The following RNF8 variants were observed in gnomAD, a reference collection of about 807,000 sequenced individuals.
RNF8 encodes E3 ubiquitin-protein ligase RNF8.
A neutral mutation model predicts 59.3 loss-of-function variants in RNF8; 8 were observed. The ratio of observed to expected loss-of-function variants is 0.13; its 90% CI spans 0.08 to 0.24. The LOEUF is 0.24. Ranked by LOEUF, RNF8 falls within the 10% of genes least tolerant of loss-of-function variation. RNF8 has a pLI of 1.00. For synonymous variants in RNF8, 162 were observed against 200.0 expected, an observed-to-expected ratio of 0.81 and a Z score of 1.60; for missense variants, 406 against 572.6, an observed-to-expected ratio of 0.71 and a Z score of 2.97.
rs1770783165 is a variant in RNF8, at chr6:37,393,582, T to C, written c.*2824T>C. ...GAACTGGAAAAGGGGGTTTGTTTCA[T>C]TATCTGGTTTTATTAAGCAGATGAA... On this transcript the variant is annotated 3_prime_UTR_variant, in exon 8 of 8. Transcript: ENST00000373479. The C allele has an allele frequency of 6.6e-6, 1 of 152,210 alleles. No individual in the cohort carries two copies. The highest frequency in any genetic ancestry group is 6.5e-5 in the Admixed American group (1 of 15,286). 9.4% of individuals were successfully genotyped at this position (152,210 alleles called of 1,614,324 possible). A position where few individuals can be genotyped will look rare whatever the true frequency, so the allele number is the denominator to read the frequency against.
At chr6:37,386,175 TAC>T (rs1180976960) in intron 7 of RNF8, among the ~76,000 whole-genome samples, 1 of 152,140 alleles carries the variant, frequency 6.6e-6, no homozygotes, top group Non-Finnish European at 1.5e-5. Context: ...CACCTCAGAA[TAC>T]ACAGTTTGAA....
chr6:37,363,076 C>T (rs1244228411), intron 2 of RNF8, among the ~76,000 whole-genome samples: 1 of 152,138 alleles, frequency 6.6e-6, no homozygotes, highest in Non-Finnish European at 1.5e-5. Context: ...TGAGCCTTTC[C>T]CATTCTTACC....
chr6:37,374,413 C>T (rs1280679549), intron 4 of RNF8, among the ~76,000 whole-genome samples: 1 of 152,146 alleles, frequency 6.6e-6, no homozygotes, highest in African/African-American at 2.4e-5. Context: ...ATTTGGTGGC[C>T]GCCTTCCCTA....
At position 37,390,868 on chromosome 6, in the gene RNF8, T is replaced by G; in HGVS notation, c.*110T>G. On this transcript the variant is annotated 3_prime_UTR_variant, in exon 8 of 8. Coordinates refer to ENST00000373479, the MANE Select transcript of RNF8 (RefSeq NM_003958.4). ...GCTGCTCTGAAGGTCAACTGAGAAG[T>G]CTTGTGGGACAGAGACTTGAGTTAG... The G allele has an allele frequency of 6.3e-7, 1 of 1,592,982 alleles. No individual in the cohort carries two copies. Among genetic ancestry groups the G allele is most frequent in the Non-Finnish European group, 8.6e-7 (1 of 1,160,894 alleles).
chr6:37,370,796 T>C (rs1226677209), intron 3 of RNF8, among the ~76,000 whole-genome samples: 2 of 152,098 alleles, frequency 1.3e-5, no homozygotes, highest in Non-Finnish European at 2.9e-5. Flanking sequence ...ATTAAGGAAT[T>C]TATCTTGTTG....
intron 7 of RNF8, among the ~76,000 whole-genome samples, chr6:37,390,519 T>G (rs754720214): frequency 6.6e-6 from 1 of 152,084 alleles, no homozygotes; most frequent in Non-Finnish European, 1.5e-5. Flanking sequence ...ACGCAGATTT[T>G]GTAGGGCCTT....
At chr6:37,390,634 A>G (rs1424036825) in intron 7 of RNF8, 108 bp from the exon 8 acceptor site, 3 of 751,062 alleles carry the variant, frequency 4.0e-6, no homozygotes, top group Non-Finnish European at 4.5e-6. Context: ...TCAGTTCGCT[A>G]TGGCTGCTGT....
chr6:37,388,944 A>AAAAAAAAAG, intron 7 of RNF8, among the ~76,000 whole-genome samples: 1 of 151,920 alleles, frequency 6.6e-6, no homozygotes, highest in Non-Finnish European at 1.5e-5. Flanking sequence ...TTAAAAAAAA[A>AAAAAAAAAG]AAAAGACATT....
intron 7 of RNF8, among the ~76,000 whole-genome samples, chr6:37,381,605 G>C (rs1244858629): frequency 6.6e-6 from 1 of 152,088 alleles, no homozygotes; most frequent in Admixed American, 6.6e-5. Flanking sequence ...GTTGTGGGGG[G>C]ATAAAATGAA....
chr6:37,380,922 AC>A (rs1181371087), intron 6 of RNF8, among the ~76,000 whole-genome samples: 1 of 151,982 alleles, frequency 6.6e-6, no homozygotes, highest in Non-Finnish European at 1.5e-5. Context: ...ACCTCAGGTG[AC>A]CCACCCACCT....
Position 37,354,159 on chromosome 6 carries a change from T to C in RNF8, c.-6T>C. On this transcript the variant is annotated 5_prime_UTR_variant, in exon 1 of 8. Transcript: ENST00000373479. Reference sequence around the variant, plus strand: ...GGTGCTGACCGCCCCCGGGGTCGAGTAGGCGATGGGGGAGCCCGGCTTCTT... The same window carrying C: ...GGTGCTGACCGCCCCCGGGGTCGAGCAGGCGATGGGGGAGCCCGGCTTCTT... 1 of 1,568,898 alleles carries C rather than the reference T, an allele frequency of 6.4e-7. No homozygotes were observed. Among genetic ancestry groups the C allele is most frequent in the Non-Finnish European group, 8.6e-7 (1 of 1,157,580 alleles).
intron 7 of RNF8, among the ~76,000 whole-genome samples, chr6:37,384,366 T>C (rs1287395126): frequency 6.6e-6 from 1 of 152,062 alleles, no homozygotes; most frequent in African/African-American, 2.4e-5. Flanking sequence ...GTCTCCCAAC[T>C]CCTGACCTCA....
At position 37,369,011 on chromosome 6, in the gene RNF8, T is replaced by C. The variant is rs1769688354; in HGVS notation, c.768T>C (p.Ile256=). 3 of 1,614,058 alleles carry C rather than the reference T, an allele frequency of 1.9e-6. No homozygotes were observed. The highest frequency in any genetic ancestry group is 2.7e-5 in the African/African-American group (2 of 74,914). Residue 256 remains isoleucine (I), a synonymous_variant, in exon 3 of 8, where the codon ATT becomes ATC. Transcript: ENST00000373479. ...TGTTTAAGGTGACCATGTCCAGGAT[T>C]CTGAGGCTCAAAATACAGATGCAGG... ...LQMFKVTMSR[I]LRLKIQMQEK...
intron 4 of RNF8, 71 bp from the exon 5 acceptor site, chr6:37,374,549 G>A (rs1769933078): frequency 1.8e-6 from 2 of 1,126,622 alleles, no homozygotes; most frequent in African/African-American, 1.5e-5. Flanking sequence ...GGAGAGAACA[G>A]GCATGTTTGT....
intron 1 of RNF8, among the ~76,000 whole-genome samples, chr6:37,354,627 C>A (rs1040186757): frequency 1.3e-5 from 2 of 151,602 alleles, no homozygotes; most frequent in African/African-American, 4.9e-5. Flanking sequence ...AAGCGGGCCC[C>A]GTCCAGAGAG....
At chr6:37,364,688 A>G (rs1200948488) in intron 2 of RNF8, among the ~76,000 whole-genome samples, 1 of 152,180 alleles carries the variant, frequency 6.6e-6, no homozygotes, top group Non-Finnish European at 1.5e-5. Context: ...CAGTGATCCT[A>G]TTTCTAGGTA....
intron 7 of RNF8, among the ~76,000 whole-genome samples, chr6:37,387,790 A>G (rs1016886678): frequency 6.6e-6 from 1 of 152,228 alleles, no homozygotes; most frequent in African/African-American, 2.4e-5. Context: ...AATATGAGAA[A>G]TAAAGGGTGC....
In RNF8 at chr6:37,391,109, GT is replaced by G; in HGVS notation, c.*355del. Reference sequence around the variant, plus strand: ...CTCGGAAACACCTCCGTTGACAGTTGTTTTGGATAGGTTGGGTGTACCCCAT... The same window carrying G: ...CTCGGAAACACCTCCGTTGACAGTTGTTTGGATAGGTTGGGTGTACCCCAT... On this transcript the variant is annotated 3_prime_UTR_variant, in exon 8 of 8. Transcript: ENST00000373479. 2.3e-6 allele frequency: 1 copy of G among 443,798 alleles called. No individual in the cohort carries two copies. The highest frequency in any genetic ancestry group is 4.1e-6 in the Non-Finnish European group (1 of 246,128). The allele number at this position is 443,798 out of a possible 1,614,324, so 27.5% of individuals were successfully genotyped here. A position where few individuals can be genotyped will look rare whatever the true frequency, so the allele number is the denominator to read the frequency against.
In RNF8 at chr6:37,391,587, TTTTTTCTTTA is replaced by T. The variant is rs1263377168; in HGVS notation, c.*839_*848del. 1 of 152,236 alleles carries T rather than the reference TTTTTTCTTTA, an allele frequency of 6.6e-6. No individual in the cohort carries two copies. The highest frequency in any genetic ancestry group is 1.5e-5 in the Non-Finnish European group (1 of 68,038). The allele number at this position is 152,236 out of a possible 1,614,324, so 9.4% of individuals were successfully genotyped here. On this transcript the variant is annotated 3_prime_UTR_variant, in exon 8 of 8. Transcript: ENST00000373479. ...ATGATTTTATGACAACTTGATGTGCTTTTTTCTTTATTTTTCTTTTACATTAGAAGTTTTC... is the reference window on the plus strand; with the variant it reads ...ATGATTTTATGACAACTTGATGTGCTTTTTTCTTTTACATTAGAAGTTTTC...
Sources: allele counts gnomAD v4.1 joint callset (sites outside exome capture counted in the v4.1 genomes callset), GRCh38; gene constraint gnomAD v4.1.1; transcripts MANE v1.5; gene names NCBI Gene and HGNC (gene_info 2026-07-23, HGNC 2026-07-21).